ASIC2: variants seen among roughly 807,000 people sequenced by gnomAD.
The protein encoded by ASIC2 is acid-sensing ion channel 2.
In ASIC2, 25 loss-of-function variants were observed where a neutral mutation model predicts 57.3. That is an observed-to-expected ratio of 0.44 (90% CI 0.32 to 0.61). The LOEUF is 0.61. ASIC2 is among the 20% of genes least tolerant of loss of function. The pLI, the probability that ASIC2 is intolerant of heterozygous loss-of-function variation, is 0.06. For synonymous variants in ASIC2, 319 were observed against 307.5 expected (o/e 1.04, Z -0.39); for missense variants, 641 against 738.1 (o/e 0.87, Z 1.52).
intron 1 of ASIC2, among the ~76,000 whole-genome samples, chr17:33,839,459 G>A (rs1000379226): frequency 1.3e-5 from 2 of 152,160 alleles, no homozygotes; most frequent in South Asian, 4.1e-4. Context: ...CATTGTGGCA[G>A]TCATTTATTT....
At position 33,381,221 on chromosome 17, in the gene ASIC2, C is replaced by T. The variant is rs1270514914; in HGVS notation, c.556-269154G>A. On this transcript the variant is annotated intron_variant, in intron 1 of 9. Transcript: ENST00000359872. ...TATTGGCTCTGAAACCAAAGCTAGCCGTGTTATTTACTGGAAATGCCATGG... is the reference window on the plus strand; with the variant it reads ...TATTGGCTCTGAAACCAAAGCTAGCTGTGTTATTTACTGGAAATGCCATGG... 2.6e-5 allele frequency among the ~76,000 whole-genome samples: 4 copies of T among 152,158 alleles called. No individual in the cohort carries two copies. In the South Asian group the frequency reaches 6.2e-4, roughly 24 times the overall value.
intron 1 of ASIC2, among the ~76,000 whole-genome samples, chr17:33,397,537 A>G (rs952673730): frequency 6.6e-6 from 1 of 152,220 alleles, no homozygotes; most frequent in Admixed American, 6.5e-5. Flanking sequence ...GGATTAGGAA[A>G]CTTAGAAGAA....
chr17:33,030,361 A>C (rs1237435277), intron 3 of ASIC2, among the ~76,000 whole-genome samples: 2 of 152,170 alleles, frequency 1.3e-5, no homozygotes, highest in African/African-American at 4.8e-5. Context: ...ATATAAATAG[A>C]ATCAGACAGT....
chr17:33,294,302 A>C (rs1356590516), upstream of ASIC2, among the ~76,000 whole-genome samples: 2 of 152,158 alleles, frequency 1.3e-5, no homozygotes, highest in Non-Finnish European at 2.9e-5. Flanking sequence ...CAGTGGAAGA[A>C]GGACCAACGT....
intron 1 of ASIC2, among the ~76,000 whole-genome samples, chr17:34,131,981 G>A (rs1911985148): frequency 6.6e-6 from 1 of 152,104 alleles, no homozygotes; most frequent in African/African-American, 2.4e-5. Context: ...AAACTTTTGT[G>A]ACAATTGTAG....
chr17:33,328,777 G>A (rs1421924531), intron 1 of ASIC2, among the ~76,000 whole-genome samples: 1 of 152,100 alleles, frequency 6.6e-6, no homozygotes, highest in African/African-American at 2.4e-5. Flanking sequence ...CTTCAGCACA[G>A]TTGTTGTTTA....
chr17:33,231,176 A>G lies in ASIC2; in HGVS notation c.708+60232T>C, dbSNP rs1908077097. ...TAACTATGCTGCCCAGCATGAGGGG[A>G]GAGGTGTGGCACCAGGCACGTTCTC... On this transcript the variant is annotated intron_variant, in intron 1 of 9. Transcript: ENST00000225823. Among the ~76,000 whole-genome samples the G allele has an allele frequency of 2.0e-5, 3 of 152,146 alleles. No individual in the cohort carries two copies. The South Asian group carries it at 6.2e-4, about 32-fold the overall frequency.
At chr17:33,237,827 C>T (rs974736213) in intron 1 of ASIC2, among the ~76,000 whole-genome samples, 1 of 152,202 alleles carries the variant, frequency 6.6e-6, no homozygotes, top group African/African-American at 2.4e-5. Context: ...ACTGACATGG[C>T]TGGGGTAAGT....
intron 1 of ASIC2, among the ~76,000 whole-genome samples, chr17:33,543,853 A>G (rs1411256211): frequency 6.6e-6 from 1 of 152,240 alleles, no homozygotes; most frequent in Non-Finnish European, 1.5e-5. Context: ...TCAGTCTTTC[A>G]GCCACATTTT....
At chr17:33,525,537 G>C (rs974478143) in intron 1 of ASIC2, among the ~76,000 whole-genome samples, 1 of 152,132 alleles carries the variant, frequency 6.6e-6, no homozygotes, top group Admixed American at 6.5e-5. Context: ...ATTCCAGCTC[G>C]GGCTCACGGG....
At chr17:33,231,383 T>C (rs1908084554) in intron 1 of ASIC2, among the ~76,000 whole-genome samples, 1 of 152,148 alleles carries the variant, frequency 6.6e-6, no homozygotes, top group African/African-American at 2.4e-5. Context: ...GGAATGCTCA[T>C]GGGCATGGCT....
At chr17:33,066,989 A>T (rs1002321267) in intron 3 of ASIC2, among the ~76,000 whole-genome samples, 1 of 152,132 alleles carries the variant, frequency 6.6e-6, no homozygotes, top group African/African-American at 2.4e-5. Flanking sequence ...TAAACCTGGG[A>T]TTGTAAAATG....
At chr17:34,070,858 C>T (rs1272652202) in intron 1 of ASIC2, 1 of 152,330 alleles carries the variant, frequency 6.6e-6, no homozygotes, top group East Asian at 1.9e-4. Context: ...ACTCTGACTC[C>T]AAGAGAGGTT....
At chr17:33,512,782 A>C (rs967310173) in intron 1 of ASIC2, among the ~76,000 whole-genome samples, 36 of 152,164 alleles carry the variant, frequency 2.4e-4, no homozygotes, top group Non-Finnish European at 1.3e-4. Flanking sequence ...ACTCACCAGC[A>C]CCATCATCTC....
intron 1 of ASIC2, among the ~76,000 whole-genome samples, chr17:34,022,755 G>A (rs1285401010): frequency 6.6e-6 from 1 of 151,972 alleles, no homozygotes; most frequent in Non-Finnish European, 1.5e-5. Context: ...AGCAACCCTT[G>A]TTAACTCTTC....
chr17:34,131,977 T>C (rs1911984799), intron 1 of ASIC2, among the ~76,000 whole-genome samples: 2 of 152,268 alleles, frequency 1.3e-5, no homozygotes, highest in Middle Eastern at 6.8e-3. Context: ...TTGGAAACTT[T>C]TGTGACAATT....
chr17:33,594,996 T>G (rs2347552), intron 1 of ASIC2, among the ~76,000 whole-genome samples: 1 of 151,782 alleles, frequency 6.6e-6, no homozygotes, highest in African/African-American at 2.4e-5. Flanking sequence ...CCAGGTGGGA[T>G]GATCACTTGA....
At chr17:33,497,913 G>A (rs1348061496) in intron 1 of ASIC2, among the ~76,000 whole-genome samples, 1 of 152,214 alleles carries the variant, frequency 6.6e-6, no homozygotes, top group East Asian at 1.9e-4. Flanking sequence ...CTGAATTAAA[G>A]GAACGTGGTA....
intron 1 of ASIC2, among the ~76,000 whole-genome samples, chr17:33,367,909 CTTTCT>C (rs539666795): frequency 7.2e-5 from 11 of 152,206 alleles, no homozygotes; most frequent in Non-Finnish European, 1.6e-4. Flanking sequence ...CTGAAGTCTA[CTTTCT>C]TTCAAGAAGA....
Sources: allele counts gnomAD v4.1 joint callset (sites outside exome capture counted in the v4.1 genomes callset), GRCh38; gene constraint gnomAD v4.1.1; transcripts MANE v1.5; gene names NCBI Gene and HGNC (gene_info 2026-07-23, HGNC 2026-07-21).